The following MACROD2 variants were observed in gnomAD, a reference collection of about 807,000 sequenced individuals.
MACROD2 encodes the protein ADP-ribose glycohydrolase MACROD2.
Under a neutral mutation model 70.4 loss-of-function variants are expected in MACROD2, and 36 were observed. The ratio of observed to expected loss-of-function variants is 0.51; its 90% CI spans 0.39 to 0.68. The LOEUF (loss-of-function observed/expected upper bound fraction) is 0.68. Among genes scored for constraint, MACROD2 ranks in the 30% least tolerant of loss-of-function variants. The pLI is 0.00. For synonymous variants in MACROD2, 172 were observed against 178.8 expected (o/e 0.96, Z 0.30); for missense variants, 496 against 538.4 (o/e 0.92, Z 0.78).
chr20:14,463,209 A>C (rs6042742), intron 3 of MACROD2, among the ~76,000 whole-genome samples: 3,520 of 151,722 alleles, frequency 0.023, 153 homozygotes, highest in African/African-American at 0.08. Flanking sequence ...CTTTTATTTC[A>C]TTGAGCAGTG....
At chr20:14,237,692 C>G (rs1456621278) in intron 3 of MACROD2, among the ~76,000 whole-genome samples, 2 of 143,218 alleles carry the variant, frequency 1.4e-5, no homozygotes, top group Admixed American at 7.0e-5. Context: ...TCCCTCTCCC[C>G]TCCCCCCCAC....
At chr20:15,210,181 T>C (rs2076749159) in intron 5 of MACROD2, among the ~76,000 whole-genome samples, 1 of 152,236 alleles carries the variant, frequency 6.6e-6, no homozygotes. Context: ...AAAATGGAAG[T>C]GGCTCTCAGT....
chr20:15,168,070 A>G (rs571973260), intron 5 of MACROD2, among the ~76,000 whole-genome samples: 4 of 152,336 alleles, frequency 2.6e-5, no homozygotes, highest in South Asian at 4.1e-4. Flanking sequence ...TTTGAAATAC[A>G]TAATTCTTAT....
At chr20:15,148,813 T>C (rs1342032672) in intron 5 of MACROD2, among the ~76,000 whole-genome samples, 1 of 152,018 alleles carries the variant, frequency 6.6e-6, no homozygotes, top group Non-Finnish European at 1.5e-5. Flanking sequence ...TGGTGAGGTG[T>C]GTTTTTAAAA....
chr20:14,155,397 A>C (rs576368712), intron 3 of MACROD2, among the ~76,000 whole-genome samples: 33 of 152,310 alleles, frequency 2.2e-4, no homozygotes, highest in Non-Finnish European at 4.1e-4. Flanking sequence ...CTGTACAATT[A>C]AATGTTGTTA....
intron 4 of MACROD2, among the ~76,000 whole-genome samples, chr20:14,647,077 T>C (rs903391313): frequency 1.3e-5 from 2 of 152,132 alleles, no homozygotes; most frequent in Non-Finnish European, 1.5e-5. Context: ...TAATCAGCAT[T>C]TTCCCTCTAA....
chr20:14,386,600 TTC>T (rs1018010414), intron 3 of MACROD2, among the ~76,000 whole-genome samples: 20 of 150,408 alleles, frequency 1.3e-4, no homozygotes, highest in Non-Finnish European at 2.1e-4. Flanking sequence ...TTCTCTCTCT[TTC>T]TCTCTCTCTC....
intron 8 of MACROD2, among the ~76,000 whole-genome samples, chr20:15,719,616 G>T (rs57215489): frequency 0.011 from 1,735 of 152,140 alleles, 25 homozygotes; most frequent in African/African-American, 0.035. Context: ...TTGGCATCAT[G>T]TCTTTCCATC....
intron 5 of MACROD2, among the ~76,000 whole-genome samples, chr20:14,767,290 C>A (rs1478445473): frequency 6.6e-6 from 1 of 152,012 alleles, no homozygotes; most frequent in Admixed American, 6.5e-5. Context: ...CAACAGTTAT[C>A]CAGAATCCGA....
chr20:15,501,716 C>T (rs1011235647), intron 8 of MACROD2, among the ~76,000 whole-genome samples: 9 of 152,094 alleles, frequency 5.9e-5, no homozygotes, highest in African/African-American at 1.9e-4. Context: ...TTAAAAAAGA[C>T]CCCTAGTTTC....
chr20:15,015,183 T>C (rs1233958131), intron 5 of MACROD2, among the ~76,000 whole-genome samples: 1 of 152,134 alleles, frequency 6.6e-6, no homozygotes. Context: ...GTTTTTGAAC[T>C]TTTAATATTA....
At chr20:15,728,505 TTGTC>T (rs2050897271) in intron 8 of MACROD2, among the ~76,000 whole-genome samples, 2 of 152,284 alleles carry the variant, frequency 1.3e-5, no homozygotes, top group South Asian at 2.1e-4. Context: ...CTTGGTAGAA[TTGTC>T]TGTGAATTTG....
intron 3 of MACROD2, among the ~76,000 whole-genome samples, chr20:14,391,545 A>G (rs1482210595): frequency 6.6e-6 from 1 of 152,026 alleles, no homozygotes; most frequent in Non-Finnish European, 1.5e-5. Context: ...GGGTGATGAA[A>G]TAATCTGTAC....
At chr20:14,845,072 C>A (rs2073125876) in intron 5 of MACROD2, among the ~76,000 whole-genome samples, 1 of 152,102 alleles carries the variant, frequency 6.6e-6, no homozygotes. Context: ...ACAGCTTCTA[C>A]TAACCACCCC....
At chr20:15,353,889 T>G (rs897178662) in intron 6 of MACROD2, among the ~76,000 whole-genome samples, 6 of 122,978 alleles carry the variant, frequency 4.9e-5, no homozygotes, top group African/African-American at 1.9e-4. Flanking sequence ...GGAACACTTT[T>G]ACACTGTTGG....
chr20:14,433,084 G>A (rs1408622005), intron 3 of MACROD2, among the ~76,000 whole-genome samples: 1 of 152,060 alleles, frequency 6.6e-6, no homozygotes, highest in Non-Finnish European at 1.5e-5. Flanking sequence ...TCAGCAGGTA[G>A]GGGAAATTTT....
chr20:14,883,940 G>C (rs2073640407), intron 5 of MACROD2, among the ~76,000 whole-genome samples: 1 of 152,076 alleles, frequency 6.6e-6, no homozygotes, highest in South Asian at 2.1e-4. Flanking sequence ...TTTGGGATTG[G>C]ATTCCCTCCA....
rs531139075 is a variant in MACROD2 at position 15,375,344 on chromosome 20, G to A, written c.541-56061G>A. Among the ~76,000 whole-genome samples, 664 of 152,240 alleles carry A rather than the reference G, an allele frequency of 4.4e-3. 8 individuals carry two copies. The highest frequency in any genetic ancestry group is 0.034 in the Admixed American group (516 of 15,292). On this transcript the variant is annotated intron_variant, in intron 6 of 17. Transcript: ENST00000684519. ...ATCCACTATTGATTTGGAACAACAA[G>A]GTGAAGAAAATTAAGCCTCCCCAAT...
chr20:15,708,890 G>A (rs2047506419), intron 8 of MACROD2, among the ~76,000 whole-genome samples: 1 of 151,978 alleles, frequency 6.6e-6, no homozygotes. Flanking sequence ...GCTGGGCATG[G>A]TAGCACATAC....
Sources: gnomAD v4.1 joint callset for allele counts (sites outside exome capture counted in the v4.1 genomes callset) on GRCh38, gnomAD v4.1.1 for gene constraint, MANE v1.5 for transcripts, NCBI Gene and HGNC (gene_info 2026-07-23, HGNC 2026-07-21) for gene names.